Variants in CLIP2 observed in about 807,000 individuals in gnomAD.
The protein encoded by CLIP2 is CAP-Gly domain-containing linker protein 2.
CLIP2 carries 41 observed loss-of-function variants against 111.7 expected under a neutral mutation model. The observed-to-expected ratio is 0.37, with a 90% CI of 0.29 to 0.48. The LOEUF (loss-of-function observed/expected upper bound fraction) is 0.48, where lower values mean the gene tolerates loss of function less well. Ranked by LOEUF, CLIP2 falls within the 20% of genes least tolerant of loss-of-function variation. The probability of loss-of-function intolerance (pLI) is 0.99; values close to 1 mark genes in which losing one functional copy is unlikely to be tolerated. For missense variants in CLIP2, 1,160 were observed against 1,422.1 expected, an observed-to-expected ratio of 0.82 and a Z score of 2.96; for synonymous variants, 660 against 644.2, an observed-to-expected ratio of 1.02 and a Z score of -0.37.
intron 3 of CLIP2, among the ~76,000 whole-genome samples, chr7:74,342,105 G>C (rs1424298846): frequency 6.6e-6 from 1 of 152,192 alleles, no homozygotes; most frequent in Non-Finnish European, 1.5e-5. Context: ...GCCTGGCATG[G>C]TGGTTCACAC....
chr7:74,379,078 G>A (rs1044722901), intron 10 of CLIP2, among the ~76,000 whole-genome samples: 3 of 152,204 alleles, frequency 2.0e-5, no homozygotes, highest in African/African-American at 7.2e-5. Context: ...GTTCCACAGA[G>A]CATGGGGGAC....
chr7:74,369,212 A>G (rs1790538744), intron 8 of CLIP2, among the ~76,000 whole-genome samples: 2 of 152,142 alleles, frequency 1.3e-5, no homozygotes, highest in African/African-American at 4.8e-5. Flanking sequence ...TTAGCTGGGC[A>G]TGGTGGTGGG....
Position 74,404,536 on chromosome 7 carries a change from T to C in CLIP2, c.*688T>C, listed in dbSNP as rs1189686468. On this transcript the variant is annotated 3_prime_UTR_variant, in exon 17 of 17. Transcript: ENST00000223398. ...ACCAACACCAACACACACACACCTC[T>C]AAGCTGCTGGCCGAAGATGTCACCA... 6.5e-6 allele frequency: 1 copy of C among 153,200 alleles called. No individual in the cohort carries two copies. The highest frequency in any genetic ancestry group is 6.5e-5 in the Admixed American group (1 of 15,342). The allele number at this position is 153,200 out of a possible 1,614,324, so 9.5% of individuals were successfully genotyped here.
At chr7:74,342,794 T>G (rs545844443) in intron 3 of CLIP2, among the ~76,000 whole-genome samples, 1 of 152,148 alleles carries the variant, frequency 6.6e-6, no homozygotes, top group South Asian at 2.1e-4. Flanking sequence ...ACGCCTATAA[T>G]CCCGGCACTT....
chr7:74,381,724 C>T, intron 11 of CLIP2: 1 of 429,760 alleles, frequency 2.3e-6, no homozygotes. Flanking sequence ...GGAGAGGGTT[C>T]CTTATCAGTA....
chr7:74,370,184 C>T (rs1403595414), intron 8 of CLIP2, among the ~76,000 whole-genome samples: 422 of 139,058 alleles, frequency 3.0e-3, no homozygotes, highest in African/African-American at 0.011. Context: ...AATCCAGGCA[C>T]GGTGGCTCAT....
Position 74,386,572 on chromosome 7 carries a change from C to A in CLIP2, c.2531C>A (p.Ser844Tyr). 2 of 1,610,758 alleles carry A rather than the reference C, an allele frequency of 1.2e-6. No individual in the cohort carries two copies. The highest frequency in any genetic ancestry group is 1.3e-5 in the African/African-American group (1 of 74,800). Residue 844 changes from serine (S) to tyrosine (Y), a missense_variant, in exon 12 of 17, where the codon TCC (serine) becomes TAC (tyrosine). Physicochemically the swap from Ser to Tyr is moderately radical, Grantham distance 144. Coordinates refer to ENST00000223398, the MANE Select transcript of CLIP2 (RefSeq NM_003388.5). ...GACAAAGAGGTGACAGCCTTGACCTCCCAGACCGAGATGCTCAGGGCCCAA... is the reference window on the plus strand; with the variant it reads ...GACAAAGAGGTGACAGCCTTGACCTACCAGACCGAGATGCTCAGGGCCCAA... Reference protein sequence around the residue: ...KRDKEVTALTSQTEMLRAQVS... With the variant: ...KRDKEVTALTYQTEMLRAQVS...
chr7:74,396,959 T>C, intron 13 of CLIP2, 115 bp from the exon 14 acceptor site: 2 of 1,315,902 alleles, frequency 1.5e-6, no homozygotes, highest in Non-Finnish European at 2.1e-6. Context: ...TGCCATCTAG[T>C]AGCCCATGTC....
intron 13 of CLIP2, among the ~76,000 whole-genome samples, chr7:74,394,069 G>C (rs1791370997): frequency 6.6e-6 from 1 of 151,964 alleles, no homozygotes; most frequent in African/African-American, 2.4e-5. Flanking sequence ...CTGGAGTTTT[G>C]GGTCTTTATC....
intron 8 of CLIP2, among the ~76,000 whole-genome samples, chr7:74,369,234 C>T (rs782031263): frequency 6.6e-6 from 1 of 152,006 alleles, no homozygotes; most frequent in South Asian, 2.1e-4. Context: ...ACCAGTAATC[C>T]CAGCTACTCA....
chr7:74,380,056 T>A (rs1415615933), intron 10 of CLIP2: 1 of 152,138 alleles, frequency 6.6e-6, no homozygotes, highest in Non-Finnish European at 1.5e-5. Context: ...AAATGGGACT[T>A]GGGATGTATG....
chr7:74,384,419 G>A (rs1389652346), intron 11 of CLIP2, among the ~76,000 whole-genome samples: 1 of 150,460 alleles, frequency 6.6e-6, no homozygotes, highest in Non-Finnish European at 1.5e-5. Flanking sequence ...ATACCTAGAA[G>A]AGTAGAATGC....
At chr7:74,325,112 C>A (rs1789073917) in intron 2 of CLIP2, among the ~76,000 whole-genome samples, 1 of 152,198 alleles carries the variant, frequency 6.6e-6, no homozygotes, top group Non-Finnish European at 1.5e-5. Flanking sequence ...AACATGAGCT[C>A]AGCCTCCGGC....
intron 1 of CLIP2, among the ~76,000 whole-genome samples, chr7:74,310,839 G>A (rs890211810): frequency 6.6e-6 from 1 of 151,894 alleles, no homozygotes; most frequent in African/African-American, 2.4e-5. Context: ...AGCCTTCCAG[G>A]TAGTTGGGAC....
rs1384259733 is a variant in CLIP2, at chr7:74,390,155, A to AAAG, written c.2720+899_2720+901dup. Among the ~76,000 whole-genome samples, 12 of 52,844 alleles carry AAAG rather than the reference A, an allele frequency of 2.3e-4. No individual in the cohort carries two copies. In the Admixed American group the frequency reaches 2.3e-3, roughly 10 times the overall value. 34.7% of individuals were successfully genotyped at this position (52,844 alleles called of 152,430 possible). Reference sequence around the variant, plus strand: ...GAGAGAGAAAGAAAGAAAGAAAAAGAAAGAAAGAAGAAAGAAAGAAAGAAA... The same window carrying AAAG: ...GAGAGAGAAAGAAAGAAAGAAAAAGAAAGAAGAAAGAAGAAAGAAAGAAAGAAA... On this transcript the variant is annotated intron_variant, in intron 13 of 16. Transcript: ENST00000223398.
chr7:74,299,144 C>A (rs748286801), intron 1 of CLIP2, among the ~76,000 whole-genome samples: 16 of 152,036 alleles, frequency 1.1e-4, no homozygotes, highest in Non-Finnish European at 2.1e-4. Flanking sequence ...CCAGCCTGGG[C>A]ACCTTGGCAA....
chr7:74,343,975 GCA>G (rs1789736302), intron 3 of CLIP2, among the ~76,000 whole-genome samples: 1 of 152,196 alleles, frequency 6.6e-6, no homozygotes, highest in Non-Finnish European at 1.5e-5. Flanking sequence ...CTATGGCTGT[GCA>G]CAGTCTGACT....
chr7:74,372,806 C>A, intron 8 of CLIP2, 126 bp from the exon 9 acceptor site: 1 of 668,578 alleles, frequency 1.5e-6, no homozygotes, highest in Non-Finnish European at 2.6e-6. Flanking sequence ...TCGCCTTGTT[C>A]ACGGAAGATG....
At chr7:74,371,607 G>A (rs782403439) in intron 8 of CLIP2, among the ~76,000 whole-genome samples, 5 of 144,958 alleles carry the variant, frequency 3.4e-5, no homozygotes, top group Non-Finnish European at 7.6e-5. Context: ...AGGAGAGAAG[G>A]AGGGAGGGAG....
Sources: gnomAD v4.1 joint callset for allele counts (sites outside exome capture counted in the v4.1 genomes callset) on GRCh38, gnomAD v4.1.1 for gene constraint, MANE v1.5 for transcripts, NCBI Gene and HGNC (gene_info 2026-07-23, HGNC 2026-07-21) for gene names.